The following LPP variants were observed in gnomAD, a reference collection of about 807,000 sequenced individuals.
LPP encodes lipoma-preferred partner.
Under a neutral mutation model 60.4 loss-of-function variants are expected in LPP, and 38 were observed. The observed-to-expected ratio is 0.63, with a 90% confidence interval of 0.49 to 0.83. The LOEUF is 0.83. LPP is among the 40% of genes least tolerant of loss of function. LPP has a pLI of 0.00. For synonymous variants in LPP, 328 were observed against 290.8 expected, an observed-to-expected ratio of 1.13 and a Z score of -1.30; for missense variants, 902 against 783.6, an observed-to-expected ratio of 1.15 and a Z score of -1.80.
intron 2 of LPP, among the ~76,000 whole-genome samples, chr3:188,320,246 G>A (rs1333443850): frequency 6.6e-6 from 1 of 152,206 alleles, no homozygotes; most frequent in Non-Finnish European, 1.5e-5. Flanking sequence ...TGGTGGCAAT[G>A]ATTATTGACT....
intron 4 of LPP, among the ~76,000 whole-genome samples, chr3:188,407,691 G>T (rs1783844810): frequency 6.6e-6 from 1 of 151,852 alleles, no homozygotes; most frequent in Non-Finnish European, 1.5e-5. Flanking sequence ...GTGACTTCAG[G>T]GCTTGGGAAT....
chr3:188,203,405 T>A (rs1429941738), intron 1 of LPP, among the ~76,000 whole-genome samples: 2 of 54,250 alleles, frequency 3.7e-5, no homozygotes, highest in Non-Finnish European at 7.4e-5. Context: ...TATATATTTT[T>A]ATAAATATAT....
At chr3:188,599,289 G>C (rs920745070) in intron 6 of LPP, among the ~76,000 whole-genome samples, 1 of 152,072 alleles carries the variant, frequency 6.6e-6, no homozygotes, top group African/African-American at 2.4e-5. Context: ...TAAAATATTG[G>C]ATTTCTTAGT....
intron 9 of LPP, among the ~76,000 whole-genome samples, chr3:188,780,397 C>A (rs971484804): frequency 2.5e-4 from 38 of 152,126 alleles, no homozygotes; most frequent in African/African-American, 8.7e-4. Flanking sequence ...AAGGGCTTCC[C>A]ATCAATGGAC....
At position 188,805,838 on chromosome 3, in the gene LPP, G is replaced by C. The variant is rs187372847; in HGVS notation, c.1410+45556G>C. ...TATCTAGTAATTTTTTTGACGCATG[G>C]TTTATTTAGAAATGTGTTATTTAAT... On this transcript the variant is annotated intron_variant, in intron 9 of 11. Transcript: ENST00000617246. Among the ~76,000 whole-genome samples the C allele has an allele frequency of 4.4e-3, 673 of 151,450 alleles. 11 individuals are homozygous for C. The highest frequency in any genetic ancestry group is 0.015 in the African/African-American group (606 of 41,408).
chr3:188,608,148 A>G (rs1560630227), intron 6 of LPP, among the ~76,000 whole-genome samples: 1 of 152,174 alleles, frequency 6.6e-6, no homozygotes, highest in African/African-American at 2.4e-5. Flanking sequence ...AAGAACAGAC[A>G]AGGTGCACCC....
chr3:188,342,013 T>G (rs1763188041), intron 3 of LPP, among the ~76,000 whole-genome samples: 1 of 152,200 alleles, frequency 6.6e-6, no homozygotes, highest in African/African-American at 2.4e-5. Context: ...TAAAATGCAA[T>G]GGAGTAGAAT....
At chr3:188,391,896 C>A (rs551028511) in intron 3 of LPP, among the ~76,000 whole-genome samples, 1 of 152,206 alleles carries the variant, frequency 6.6e-6, no homozygotes, top group Non-Finnish European at 1.5e-5. Flanking sequence ...ATTCTTCTAA[C>A]AGAAAACAGG....
At chr3:188,414,692 A>C (rs913433686) in intron 4 of LPP, among the ~76,000 whole-genome samples, 25 of 152,164 alleles carry the variant, frequency 1.6e-4, no homozygotes, top group African/African-American at 5.8e-4. Context: ...TCACTAATAC[A>C]TTTCAGCGAA....
At chr3:188,223,877 CCT>C (rs1577374369) in intron 1 of LPP, among the ~76,000 whole-genome samples, 1 of 152,224 alleles carries the variant, frequency 6.6e-6, no homozygotes, top group East Asian at 1.9e-4. Flanking sequence ...TGAAATTATG[CCT>C]CTCTCTCCTT....
chr3:188,817,497 G>A (rs952786972), intron 9 of LPP, among the ~76,000 whole-genome samples: 5 of 152,202 alleles, frequency 3.3e-5, no homozygotes. Flanking sequence ...CAAACTGGAT[G>A]TCTCTTCTGC....
intron 7 of LPP, among the ~76,000 whole-genome samples, chr3:188,676,086 T>A (rs1858009068): frequency 6.6e-6 from 1 of 152,164 alleles, no homozygotes; most frequent in African/African-American, 2.4e-5. Flanking sequence ...GATAAAAAGA[T>A]TTTTAAGGGA....
intron 6 of LPP, among the ~76,000 whole-genome samples, chr3:188,592,583 C>T (rs1839130846): frequency 2.0e-5 from 1 of 49,628 alleles, no homozygotes; most frequent in Non-Finnish European, 4.3e-5. Flanking sequence ...CTCACTCTTT[C>T]TCCCAGGCTG....
chr3:188,225,371 A>T (rs1262956026), intron 1 of LPP, 34 bp from the exon 2 acceptor site: 1 of 152,192 alleles, frequency 6.6e-6, no homozygotes, highest in African/African-American at 2.4e-5. Context: ...AAGACCCTAG[A>T]GATACATAAG....
At chr3:188,222,661 G>A (rs1033086073) in intron 1 of LPP, among the ~76,000 whole-genome samples, 1 of 151,824 alleles carries the variant, frequency 6.6e-6, no homozygotes, top group African/African-American at 2.4e-5. Flanking sequence ...CTCTGTCTCT[G>A]GGGGCAGCAC....
chr3:188,421,383 A>C (rs1184546274), intron 4 of LPP, among the ~76,000 whole-genome samples: 2 of 152,122 alleles, frequency 1.3e-5, no homozygotes, highest in Non-Finnish European at 2.9e-5. Flanking sequence ...TTATAGCTAA[A>C]ATTGCAAACA....
rs1389653199 is a variant in LPP, at chr3:188,889,065, C to T, written c.*14586C>T. ...GGTTTAGAGTGTTAAAGTGTCAGCA[C>T]ATTCCTTCTCCTTTTGTCTCTCAGG... On this transcript the variant is annotated 3_prime_UTR_variant, in exon 12 of 12. Transcript: ENST00000617246. 5 of 224,276 alleles carry T rather than the reference C, an allele frequency of 2.2e-5. No individual in the cohort carries two copies. The highest frequency in any genetic ancestry group is 1.8e-4 in the South Asian group (1 of 5,450). 13.9% of individuals were successfully genotyped at this position (224,276 alleles called of 1,614,324 possible).
chr3:188,308,246 A>T (rs1183946343), intron 2 of LPP, among the ~76,000 whole-genome samples: 2 of 152,124 alleles, frequency 1.3e-5, no homozygotes, highest in African/African-American at 4.8e-5. Context: ...GAATAGTGTT[A>T]ATATCGCAGC....
intron 4 of LPP, among the ~76,000 whole-genome samples, chr3:188,448,019 G>T (rs1309774905): frequency 6.6e-6 from 1 of 152,046 alleles, no homozygotes; most frequent in African/African-American, 2.4e-5. Flanking sequence ...ATTATCAGTG[G>T]GTTGAATTTG....
Sources: allele counts gnomAD v4.1 joint callset (sites outside exome capture counted in the v4.1 genomes callset), GRCh38; gene constraint gnomAD v4.1.1; transcripts MANE v1.5; gene names NCBI Gene and HGNC (gene_info 2026-07-23, HGNC 2026-07-21).